SPAG16: variants seen among roughly 807,000 people sequenced by gnomAD.
SPAG16 encodes the protein sperm associated antigen 16.
In SPAG16, 86 loss-of-function variants were observed where a neutral mutation model predicts 80.4. That is an observed-to-expected ratio of 1.07 (90% confidence interval 0.90 to 1.28). The LOEUF is 1.28. SPAG16 is among the 50% of genes most tolerant of loss of function. The pLI is 0.00. For synonymous variants in SPAG16, 294 were observed against 265.9 expected (o/e 1.11, Z -1.03); for missense variants, 870 against 765.3 (o/e 1.14, Z -1.61).
At chr2:213,956,469 G>A (rs1575646279) in intron 12 of SPAG16, among the ~76,000 whole-genome samples, 1 of 132,214 alleles carries the variant, frequency 7.6e-6, no homozygotes, top group South Asian at 2.4e-4. Flanking sequence ...TTTTTTTGAG[G>A]CAGGGTCTCA....
chr2:214,056,683 A>G (rs2049963297), intron 13 of SPAG16, among the ~76,000 whole-genome samples: 1 of 152,142 alleles, frequency 6.6e-6, no homozygotes, highest in Non-Finnish European at 1.5e-5. Context: ...AAATAAGACA[A>G]TAAAGTTTGC....
Position 213,999,048 on chromosome 2 carries a change from A to G in SPAG16, c.1401-14903A>G, listed in dbSNP as rs562996281. Among the ~76,000 whole-genome samples the G allele has an allele frequency of 1.6e-3, 242 of 152,320 alleles. 1 individual carries two copies. The highest frequency in any genetic ancestry group is 5.7e-3 in the African/African-American group (237 of 41,570). ...CAGCCTGACAATGTGATAAAAAAGAAAAACCCATTTTCTGAGGAGAAATTC... is the reference window on the plus strand; with the variant it reads ...CAGCCTGACAATGTGATAAAAAAGAGAAACCCATTTTCTGAGGAGAAATTC... On this transcript the variant is annotated intron_variant, in intron 12 of 15. Coordinates refer to ENST00000331683, the MANE Select transcript of SPAG16 (RefSeq NM_024532.5).
chr2:213,777,162 C>A (rs1384268000), intron 10 of SPAG16, among the ~76,000 whole-genome samples: 2 of 150,118 alleles, frequency 1.3e-5, no homozygotes, highest in Non-Finnish European at 3.0e-5. Context: ...TACTTAAATT[C>A]AACTATTCTG....
chr2:213,838,991 C>T (rs977363036), intron 10 of SPAG16, among the ~76,000 whole-genome samples: 5 of 152,090 alleles, frequency 3.3e-5, no homozygotes, highest in South Asian at 2.1e-4. Flanking sequence ...ACGTGGTTAC[C>T]GTTACCGTCA....
At chr2:213,469,725 T>C (rs2072965638) in intron 9 of SPAG16, among the ~76,000 whole-genome samples, 1 of 152,110 alleles carries the variant, frequency 6.6e-6, no homozygotes, top group Non-Finnish European at 1.5e-5. Flanking sequence ...GATGCCCTAA[T>C]GGATCTCCTA....
intron 15 of SPAG16, among the ~76,000 whole-genome samples, chr2:214,276,383 C>T (rs1043542426): frequency 6.6e-6 from 1 of 152,158 alleles, no homozygotes; most frequent in African/African-American, 2.4e-5. Flanking sequence ...TAGTTTCTTG[C>T]TAGCATTGGT....
intron 15 of SPAG16, among the ~76,000 whole-genome samples, chr2:214,329,388 T>C (rs1001277555): frequency 6.6e-5 from 10 of 152,262 alleles, no homozygotes; most frequent in African/African-American, 9.6e-5. Context: ...CCTTCAAAAG[T>C]CTTCATTTAT....
chr2:214,360,733 A>C (rs1312484669), intron 15 of SPAG16, among the ~76,000 whole-genome samples: 2 of 151,852 alleles, frequency 1.3e-5, no homozygotes, highest in African/African-American at 4.8e-5. Flanking sequence ...TCTATAATTG[A>C]ATCTGCTGAA....
chr2:213,675,944 G>C (rs1391168174), intron 10 of SPAG16, among the ~76,000 whole-genome samples: 1 of 152,052 alleles, frequency 6.6e-6, no homozygotes, highest in Non-Finnish European at 1.5e-5. Context: ...TAGCTTGATG[G>C]GGATGGCATT....
At chr2:213,646,318 T>C (rs1276260591) in intron 10 of SPAG16, among the ~76,000 whole-genome samples, 1 of 152,180 alleles carries the variant, frequency 6.6e-6, no homozygotes, top group African/African-American at 2.4e-5. Context: ...TGGAGTCTTC[T>C]ATTCCACCAT....
At chr2:213,839,832 A>C (rs2074281122) in intron 10 of SPAG16, among the ~76,000 whole-genome samples, 1 of 152,172 alleles carries the variant, frequency 6.6e-6, no homozygotes, top group Admixed American at 6.5e-5. Context: ...GCTACCGTTT[A>C]AAATAACTTT....
chr2:213,913,915 T>C (rs2077824684), intron 11 of SPAG16, among the ~76,000 whole-genome samples: 1 of 152,116 alleles, frequency 6.6e-6, no homozygotes, highest in African/African-American at 2.4e-5. Flanking sequence ...TGTTTCCCTT[T>C]TAAGGCCTTC....
intron 10 of SPAG16, among the ~76,000 whole-genome samples, chr2:213,502,130 TG>T (rs2074768772): frequency 6.6e-6 from 1 of 152,174 alleles, no homozygotes; most frequent in Non-Finnish European, 1.5e-5. Flanking sequence ...TTGTTGTTGT[TG>T]CTGTTCTTTT....
At chr2:213,999,710 G>A (rs577096171) in intron 12 of SPAG16, among the ~76,000 whole-genome samples, 1 of 152,366 alleles carries the variant, frequency 6.6e-6, no homozygotes, top group East Asian at 1.9e-4. Flanking sequence ...GAGAGAGGCT[G>A]TACCCTGCAA....
At chr2:214,231,179 G>A (rs772734568) in intron 15 of SPAG16, among the ~76,000 whole-genome samples, 2 of 151,930 alleles carry the variant, frequency 1.3e-5, no homozygotes, top group Non-Finnish European at 2.9e-5. Context: ...TCTAGGATTA[G>A]GTCAGGGTTT....
At chr2:214,158,495 A>G (rs1470059954) in intron 15 of SPAG16, among the ~76,000 whole-genome samples, 4 of 152,038 alleles carry the variant, frequency 2.6e-5, no homozygotes, top group African/African-American at 7.2e-5. Context: ...AAAAAAATGC[A>G]TAAATTCCAA....
intron 12 of SPAG16, among the ~76,000 whole-genome samples, chr2:213,931,034 C>T (rs1263380665): frequency 5.9e-5 from 9 of 152,158 alleles, no homozygotes; most frequent in South Asian, 2.1e-4. Flanking sequence ...TCCCTGTGTT[C>T]GCTCAGTCCT....
chr2:214,134,366 T>G (rs1221831895), intron 14 of SPAG16, among the ~76,000 whole-genome samples: 2 of 152,226 alleles, frequency 1.3e-5, no homozygotes. Context: ...ATTCCTAGTC[T>G]TGACAGGCTA....
intron 9 of SPAG16, among the ~76,000 whole-genome samples, chr2:213,483,056 A>G (rs997644191): frequency 6.6e-6 from 1 of 152,166 alleles, no homozygotes; most frequent in Non-Finnish European, 1.5e-5. Context: ...GCACACATAT[A>G]TGTGTAAATA....
Sources: allele counts gnomAD v4.1 joint callset (sites outside exome capture counted in the v4.1 genomes callset), GRCh38; gene constraint gnomAD v4.1.1; transcripts MANE v1.5; gene names NCBI Gene and HGNC (gene_info 2026-07-23, HGNC 2026-07-21).